Variants in CELF2 observed in about 807,000 individuals in gnomAD.
The protein encoded by CELF2 is CUG triplet repeat RNA-binding protein 2.
CELF2 carries 8 observed loss-of-function variants against 62.6 expected under a neutral mutation model. The ratio of observed to expected loss-of-function variants is 0.13; its 90% CI spans 0.07 to 0.23. The LOEUF (loss-of-function observed/expected upper bound fraction) is 0.23, where lower values mean the gene tolerates loss of function less well. Among genes scored for constraint, CELF2 ranks in the 10% least tolerant of loss-of-function variants. The probability of loss-of-function intolerance (pLI) is 1.00; values close to 1 mark genes in which losing one functional copy is unlikely to be tolerated. For missense variants in CELF2, 333 were observed against 671.0 expected (o/e 0.50, Z 5.56); for synonymous variants, 258 against 250.0 (o/e 1.03, Z -0.30).
In CELF2 at chr10:11,223,049, C is replaced by T. The variant is rs995343228; in HGVS notation, c.354+5542C>T. 2.0e-5 allele frequency among the ~76,000 whole-genome samples: 3 copies of T among 152,306 alleles called. No homozygotes were observed. Among genetic ancestry groups the T allele is most frequent in the Non-Finnish European group, 4.4e-5 (3 of 68,026 alleles). On this transcript the variant is annotated intron_variant, in intron 3 of 12. Transcript: ENST00000633077. The surrounding 1 kb of genome is among the most constrained non-coding windows in gnomAD (Gnocchi z 5.1). ...TGGCTTAGTCTCAATTACTTTGTAGCGAACTTTCTTATTTGAGGCTTCACC... is the reference window on the plus strand; with the variant it reads ...TGGCTTAGTCTCAATTACTTTGTAGTGAACTTTCTTATTTGAGGCTTCACC...
At chr10:10,969,199 A>G (rs2050486264) in intron 2 of CELF2, among the ~76,000 whole-genome samples, 1 of 152,164 alleles carries the variant, frequency 6.6e-6, no homozygotes, top group Non-Finnish European at 1.5e-5. Context: ...GGCGGTTGCA[A>G]TGAACCAAGA....
the CELF2 span, among the ~76,000 whole-genome samples, chr10:10,696,701 C>T: frequency 1.3e-5 from 2 of 152,124 alleles, no homozygotes; most frequent in East Asian, 1.9e-4. Context: ...GATATAGTCT[C>T]GTGGTGCGCC....
At chr10:11,087,915 C>G (rs879466645) in intron 1 of CELF2, among the ~76,000 whole-genome samples, 3 of 152,206 alleles carry the variant, frequency 2.0e-5, no homozygotes, top group Admixed American at 2.0e-4. Context: ...ATACATGTTT[C>G]TTAAATGTTG....
At chr10:10,852,570 A>G (rs1417137991) in intron 1 of CELF2, among the ~76,000 whole-genome samples, 1 of 152,204 alleles carries the variant, frequency 6.6e-6, no homozygotes, top group African/African-American at 2.4e-5. Context: ...GCAAAATTGA[A>G]TGGAAGTAAA....
At chr10:10,950,738 C>G (rs1046363595) in intron 2 of CELF2, among the ~76,000 whole-genome samples, 1 of 152,312 alleles carries the variant, frequency 6.6e-6, no homozygotes, top group Admixed American at 6.5e-5. Flanking sequence ...CCTCGGGGCA[C>G]AAGTACAAAA....
intron 1 of CELF2, among the ~76,000 whole-genome samples, chr10:11,056,933 A>G (rs1301815865): frequency 6.6e-6 from 1 of 152,238 alleles, no homozygotes; most frequent in East Asian, 1.9e-4. Flanking sequence ...ATCCCACGCC[A>G]TGTTCAACCT....
At chr10:11,173,022 G>A (rs535880576) in intron 2 of CELF2, among the ~76,000 whole-genome samples, 31 of 152,310 alleles carry the variant, frequency 2.0e-4, no homozygotes, top group African/African-American at 7.5e-4. Context: ...TGAAGTCTAG[G>A]TGATCTCACA....
chr10:10,828,360 A>C (rs1249507864), intron 1 of CELF2, among the ~76,000 whole-genome samples: 1 of 152,226 alleles, frequency 6.6e-6, no homozygotes, highest in Non-Finnish European at 1.5e-5. Context: ...GACCCATGCT[A>C]CAACACGGAT....
intron 1 of CELF2, among the ~76,000 whole-genome samples, chr10:10,833,526 A>G (rs1002537009): frequency 1.3e-5 from 2 of 152,210 alleles, no homozygotes; most frequent in African/African-American, 4.8e-5. Flanking sequence ...GCATTATCTC[A>G]TTTATTCCCA....
the CELF2 span, among the ~76,000 whole-genome samples, chr10:10,479,638 G>A: frequency 2.0e-5 from 3 of 152,278 alleles, no homozygotes; most frequent in East Asian, 5.8e-4. Flanking sequence ...TGAAAGCTGT[G>A]ATTAAGAATA....
chr10:10,984,322 G>A (rs1180011837), intron 2 of CELF2, among the ~76,000 whole-genome samples: 8 of 152,104 alleles, frequency 5.3e-5, no homozygotes, highest in Non-Finnish European at 1.0e-4. Context: ...TGTTTAATGC[G>A]AGCAATGCAG....
chr10:10,700,719 C>T, the CELF2 span, among the ~76,000 whole-genome samples: 1 of 152,204 alleles, frequency 6.6e-6, no homozygotes, highest in Non-Finnish European at 1.5e-5. Context: ...CTTGTAATTT[C>T]TTCTCAAATT....
chr10:10,716,361 C>T, the CELF2 span, among the ~76,000 whole-genome samples: 25 of 152,014 alleles, frequency 1.6e-4, no homozygotes, highest in Non-Finnish European at 3.1e-4. Context: ...GGCAACATGG[C>T]GAAACCCCGC....
chr10:10,773,484 T>C, the CELF2 span, among the ~76,000 whole-genome samples: 1 of 152,340 alleles, frequency 6.6e-6, no homozygotes, highest in Non-Finnish European at 1.5e-5. Context: ...ATTGGCACTG[T>C]CCTTTGATTT....
intron 1 of CELF2, among the ~76,000 whole-genome samples, chr10:10,811,779 C>T (rs185602199): frequency 6.0e-4 from 92 of 152,208 alleles, no homozygotes; most frequent in Non-Finnish European, 1.0e-3. Flanking sequence ...TTAGAAACTA[C>T]GTCTTCAAAT....
intron 2 of CELF2, chr10:10,948,519 C>T (rs2047949290): frequency 6.6e-6 from 1 of 152,120 alleles, no homozygotes; most frequent in African/African-American, 2.4e-5. Context: ...GCTATTTGAT[C>T]AAGCTTTATA....
the CELF2 span, among the ~76,000 whole-genome samples, chr10:10,609,924 C>G: frequency 6.6e-6 from 1 of 152,168 alleles, no homozygotes; most frequent in Admixed American, 6.5e-5. Context: ...CAGAACTGCT[C>G]AAGGTACAAG....
chr10:10,976,802 C>T (rs144479410), intron 2 of CELF2, among the ~76,000 whole-genome samples: 8 of 152,296 alleles, frequency 5.3e-5, no homozygotes, highest in East Asian at 1.9e-4. Context: ...GAAATTTCCC[C>T]TCTCTTCCCT....
the CELF2 span, among the ~76,000 whole-genome samples, chr10:10,531,117 A>T: frequency 1.3e-5 from 2 of 152,240 alleles, no homozygotes; most frequent in East Asian, 3.8e-4. Context: ...TCCAAAATAT[A>T]CTAGCCACAT....
Sources: allele counts gnomAD v4.1 joint callset (sites outside exome capture counted in the v4.1 genomes callset), GRCh38; gene constraint gnomAD v4.1.1; non-coding constraint Gnocchi (gnomAD v3.1); transcripts MANE v1.5; gene names NCBI Gene and HGNC (gene_info 2026-07-23, HGNC 2026-07-21).